The following PTPRT variants were observed in gnomAD, a reference collection of about 807,000 sequenced individuals.
The protein encoded by PTPRT is receptor-type tyrosine-protein phosphatase T.
PTPRT carries 56 observed loss-of-function variants against 176.8 expected under a neutral mutation model. That is an observed-to-expected ratio of 0.32 (90% CI 0.26 to 0.40). The LOEUF is 0.40. PTPRT is among the 10% of genes least tolerant of loss of function. PTPRT has a pLI of 1.00. For missense variants in PTPRT, 1,540 were observed against 1,908.2 expected, an observed-to-expected ratio of 0.81 and a Z score of 3.60; for synonymous variants, 783 against 739.0, an observed-to-expected ratio of 1.06 and a Z score of -0.96.
intron 9 of PTPRT, among the ~76,000 whole-genome samples, chr20:42,359,958 G>A (rs577210455): frequency 2.0e-5 from 3 of 152,302 alleles, no homozygotes; most frequent in African/African-American, 4.8e-5. Flanking sequence ...AAGTTAACTC[G>A]TTTGCCCAAC....
intron 3 of PTPRT, among the ~76,000 whole-genome samples, chr20:42,788,723 T>A (rs1218981677): frequency 6.6e-6 from 1 of 152,200 alleles, no homozygotes; most frequent in Non-Finnish European, 1.5e-5. Context: ...AAGAGATAGC[T>A]GCGGGATTCT....
Position 42,521,244 on chromosome 20 carries a change from A to C in PTPRT, c.1154-48682T>G, listed in dbSNP as rs78283148. On this transcript the variant is annotated intron_variant, in intron 7 of 30. Coordinates refer to ENST00000373187, the MANE Select transcript of PTPRT (RefSeq NM_007050.6). ...ATGAGTTCAAGATAAAATACCCCTT[A>C]AGCTCATATAAAAACTTACGATTTA... 6.4e-3 allele frequency among the ~76,000 whole-genome samples: 977 copies of C among 152,232 alleles called. 17 individuals are homozygous for C. Among genetic ancestry groups the C allele is most frequent in the African/African-American group, 0.023 (938 of 41,576 alleles).
In PTPRT at chr20:42,102,209, T is replaced by C; in HGVS notation, c.3629A>G (p.Asp1210Gly). 3 of 1,614,150 alleles carry C rather than the reference T, an allele frequency of 1.9e-6. No homozygotes were observed. Among genetic ancestry groups the C allele is most frequent in the Non-Finnish European group, 2.5e-6 (3 of 1,180,020 alleles). Residue 1210 changes from aspartate (D) to glycine (G), a missense_variant, in exon 26 of 31, where the codon GAC (aspartate) becomes GGC (glycine). Physicochemically the swap from Asp to Gly is moderately conservative, Grantham distance 94. This residue lies in a region of PTPRT where 342 missense variants were observed against 394.0 expected (regional missense o/e 0.87). Transcript: ENST00000373187. Reference sequence around the variant, plus strand: ...CAGGCAGCGGTCCAGAGGCAGCACGTCCATACTTCGATTCTTATCATGGTT... The same window carrying C: ...CAGGCAGCGGTCCAGAGGCAGCACGCCCATACTTCGATTCTTATCATGGTT... Reference protein sequence around the residue: ...PRNHDKNRSMDVLPLDRCLPF... With the variant: ...PRNHDKNRSMGVLPLDRCLPF...
At chr20:42,574,819 T>C (rs1399093655) in intron 7 of PTPRT, among the ~76,000 whole-genome samples, 1 of 152,176 alleles carries the variant, frequency 6.6e-6, no homozygotes, top group Non-Finnish European at 1.5e-5. Flanking sequence ...TCCCCCTTGC[T>C]GTTCTCATGA....
At chr20:42,228,369 T>A (rs1453549032) in intron 15 of PTPRT, among the ~76,000 whole-genome samples, 1 of 152,236 alleles carries the variant, frequency 6.6e-6, no homozygotes, top group African/African-American at 2.4e-5. Flanking sequence ...CATGCGTGAC[T>A]GATGCGTTTA....
chr20:42,427,577 C>T (rs780497897), intron 9 of PTPRT, among the ~76,000 whole-genome samples: 20 of 152,100 alleles, frequency 1.3e-4, no homozygotes, highest in Non-Finnish European at 2.6e-4. Flanking sequence ...TTCATAAGAG[C>T]ACTAATCCCA....
At chr20:42,038,301 A>G in the PTPRT span, among the ~76,000 whole-genome samples, 1 of 152,320 alleles carries the variant, frequency 6.6e-6, no homozygotes, top group East Asian at 1.9e-4. Flanking sequence ...TGGAGAACCT[A>G]GAGTGTAATA....
At chr20:42,884,435 A>T (rs2079071761) in intron 2 of PTPRT, among the ~76,000 whole-genome samples, 1 of 152,160 alleles carries the variant, frequency 6.6e-6, no homozygotes, top group Non-Finnish European at 1.5e-5. Context: ...ATCTCTGAGC[A>T]TCTTCTTTGC....
the PTPRT span, among the ~76,000 whole-genome samples, chr20:42,032,260 C>A: frequency 2.0e-5 from 3 of 152,098 alleles, no homozygotes; most frequent in African/African-American, 7.2e-5. Flanking sequence ...AAGGAGAGCA[C>A]TCTGGCCAGG....
chr20:42,829,069 G>A lies in PTPRT; in HGVS notation c.215-37603C>T, dbSNP rs191835148. Among the ~76,000 whole-genome samples, 16 of 152,218 alleles carry A rather than the reference G, an allele frequency of 1.1e-4. No homozygotes were observed. The East Asian group carries it at 3.1e-3, about 29-fold the overall frequency. On this transcript the variant is annotated intron_variant, in intron 2 of 30. Transcript: ENST00000373187. ...GCCCATGAAAGCATCCAGAAGGGGG[G>A]CTATACCATGCAAAGCCATAGGGAC... is the stretch of plus-strand genomic sequence containing the variant.
At chr20:43,155,232 A>C (rs1357229109) in intron 1 of PTPRT, among the ~76,000 whole-genome samples, 2 of 152,230 alleles carry the variant, frequency 1.3e-5, no homozygotes, top group Non-Finnish European at 2.9e-5. Context: ...AATATGTTGA[A>C]GAGATATCTG....
chr20:42,386,385 T>C (rs556135747), intron 9 of PTPRT, among the ~76,000 whole-genome samples: 1 of 152,104 alleles, frequency 6.6e-6, no homozygotes, highest in African/African-American at 2.4e-5. Context: ...AAAATGGAGG[T>C]AAAACTGAGA....
intron 6 of PTPRT, among the ~76,000 whole-genome samples, chr20:42,692,704 T>C (rs12479759): frequency 0.13 from 19,622 of 152,156 alleles, 1,602 homozygotes; most frequent in African/African-American, 0.23. Context: ...AATGAAGTAA[T>C]AAAGCTTTCA....
At chr20:42,422,920 T>C (rs190480812) in intron 9 of PTPRT, among the ~76,000 whole-genome samples, 1 of 151,996 alleles carries the variant, frequency 6.6e-6, no homozygotes, top group Non-Finnish European at 1.5e-5. Context: ...TGGAGGCCAT[T>C]ATCCTTAGCA....
intron 9 of PTPRT, among the ~76,000 whole-genome samples, chr20:42,437,165 T>A (rs1568877841): frequency 6.6e-6 from 1 of 152,176 alleles, no homozygotes; most frequent in Non-Finnish European, 1.5e-5. Flanking sequence ...TTTTAGTTGG[T>A]GTGTTACTGA....
chr20:43,016,625 C>T lies in PTPRT; in HGVS notation c.89-130693G>A, dbSNP rs182231869. On this transcript the variant is annotated intron_variant, in intron 1 of 30. Transcript: ENST00000373187. ...CTCTATCTCGGCTCACTGCAACCTC[C>T]CCCTCTTGGCTTCAAGTAATCCTCC... Among the ~76,000 whole-genome samples the T allele has an allele frequency of 1.0e-3, 151 of 149,260 alleles. 1 individual carries two copies. The East Asian group carries it at 0.025, about 24-fold the overall frequency.
At chr20:42,955,166 T>C (rs1440080829) in intron 1 of PTPRT, among the ~76,000 whole-genome samples, 4 of 152,196 alleles carry the variant, frequency 2.6e-5, no homozygotes, top group Non-Finnish European at 5.9e-5. Context: ...TATTGAGCTT[T>C]TACTGTGTAC....
intron 1 of PTPRT, among the ~76,000 whole-genome samples, chr20:43,157,747 A>G (rs2146434148): frequency 6.6e-6 from 1 of 152,302 alleles, no homozygotes. Flanking sequence ...CCAAGGAGGC[A>G]AGGGAGTTAG....
intron 16 of PTPRT, among the ~76,000 whole-genome samples, chr20:42,184,596 T>TTCTTCTTCTG: frequency 7.0e-6 from 1 of 143,458 alleles, no homozygotes; most frequent in African/African-American, 2.7e-5. Context: ...TTCTTCTTCC[T>TTCTTCTTCTG]CTTCTTCTTC....
Sources: allele counts gnomAD v4.1 joint callset (sites outside exome capture counted in the v4.1 genomes callset), GRCh38; gene constraint gnomAD v4.1.1; regional missense constraint gnomAD v4.1.1; transcripts MANE v1.5; gene names NCBI Gene and HGNC (gene_info 2026-07-23, HGNC 2026-07-21).